RBM8A: variants seen among roughly 807,000 people sequenced by gnomAD.
The protein encoded by RBM8A is RNA-binding protein 8A.
A neutral mutation model predicts 25.1 loss-of-function variants in RBM8A; 8 were observed. The ratio of observed to expected loss-of-function variants is 0.32; its 90% CI spans 0.19 to 0.58. The LOEUF (loss-of-function observed/expected upper bound fraction) is 0.58, where lower values mean the gene tolerates loss of function less well. Ranked by LOEUF, RBM8A falls within the 20% of genes least tolerant of loss-of-function variation. The pLI, the probability that RBM8A is intolerant of heterozygous loss-of-function variation, is 0.88. For synonymous variants in RBM8A, 66 were observed against 80.0 expected, an observed-to-expected ratio of 0.82 and a Z score of 0.94; for missense variants, 114 against 236.8, an observed-to-expected ratio of 0.48 and a Z score of 3.40.
chr1:145,925,951 G>A (rs782507320), intron 5 of RBM8A, 24 bp from the exon 6 acceptor site: 3 of 1,614,088 alleles, frequency 1.9e-6, no homozygotes, highest in African/African-American at 1.3e-5. Flanking sequence ...AGCAGGGAGA[G>A]GAGTCCATTA....
At position 145,923,797 on chromosome 1, in the gene RBM8A, T is replaced by C. The variant is rs1553755305; in HGVS notation, c.*2085A>G. 1.9e-6 allele frequency: 1 copy of C among 527,226 alleles called. No homozygotes were observed. Among genetic ancestry groups the C allele is most frequent in the Non-Finnish European group, 3.3e-6 (1 of 298,890 alleles). 32.7% of individuals were successfully genotyped at this position (527,226 alleles called of 1,614,324 possible). On this transcript the variant is annotated 3_prime_UTR_variant, in exon 6 of 6. Coordinates refer to ENST00000583313, the MANE Select transcript of RBM8A (RefSeq NM_005105.5). ...CACCCATTTTACACAATATTTCTTT[T>C]TCCACAAAATAACAGACATACCAGG... is the stretch of plus-strand genomic sequence containing the variant.
intron 4 of RBM8A, 47 bp from the exon 5 acceptor site, chr1:145,926,224 A>G: frequency 6.3e-7 from 1 of 1,599,836 alleles, no homozygotes; most frequent in Non-Finnish European, 8.5e-7. Context: ...TATTTCCCCA[A>G]GTATCACTGA....
intron 4 of RBM8A, 118 bp downstream of exon 4, chr1:145,926,364 G>A (rs1471557594): frequency 2.0e-6 from 3 of 1,492,988 alleles, no homozygotes; most frequent in Non-Finnish European, 2.7e-6. Context: ...ACAAAACATA[G>A]ATTTCCAATG....
In RBM8A at chr1:145,924,207, G is replaced by C; in HGVS notation, c.*1675C>G. On this transcript the variant is annotated 3_prime_UTR_variant, in exon 6 of 6. Transcript: ENST00000583313. ...GCTGGCCCAGTCCCTTTCACTCAGT[G>C]TGTCACCAAAGGCAGCTTCAAGGCT... 1.5e-6 allele frequency: 1 copy of C among 680,438 alleles called. No homozygotes were observed. Among genetic ancestry groups the C allele is most frequent in the South Asian group, 1.5e-5 (1 of 66,342 alleles). The allele number at this position is 680,438 out of a possible 1,614,324, so 42.2% of individuals were successfully genotyped here.
chr1:145,926,978 G>A, intron 2 of RBM8A, 40 bp downstream of exon 2: 2 of 1,614,038 alleles, frequency 1.2e-6, no homozygotes, highest in South Asian at 1.1e-5. Flanking sequence ...CGTAGCTCCT[G>A]CCCTACTAGG....
intron 5 of RBM8A, 53 bp downstream of exon 5, chr1:145,925,988 C>G: frequency 6.2e-7 from 1 of 1,614,188 alleles, no homozygotes; most frequent in South Asian, 1.1e-5. Context: ...AGTCCTCATT[C>G]TGTTTCGTTC....
At position 145,925,383 on chromosome 1, in the gene RBM8A, T is replaced by C. The variant is rs587598861; in HGVS notation, c.*499A>G. 804 of 357,338 alleles carry C rather than the reference T, an allele frequency of 2.2e-3. 7 individuals carry two copies. The highest frequency in any genetic ancestry group is 0.016 in the African/African-American group (746 of 46,660). The allele number at this position is 357,338 out of a possible 1,614,324, so 22.1% of individuals were successfully genotyped here. The stretch of plus-strand genomic sequence containing the variant: ...AAACCCTACCTGAAACTTGAGACTA[T>C]GTCTAATATAGAAACTCACATAACT... On this transcript the variant is annotated 3_prime_UTR_variant, in exon 6 of 6. Coordinates refer to ENST00000583313, the MANE Select transcript of RBM8A (RefSeq NM_005105.5).
In RBM8A at chr1:145,925,812, A is replaced by G. The variant is rs1648118868; in HGVS notation, c.*70T>C. ...ATATAAACACAGCAAGTTCCACCCC[A>G]GTCCTATTTGTCCAAGGCTGCATGG... On this transcript the variant is annotated 3_prime_UTR_variant, in exon 6 of 6. Coordinates refer to ENST00000583313, the MANE Select transcript of RBM8A (RefSeq NM_005105.5). The G allele has an allele frequency of 4.0e-6, 6 of 1,491,028 alleles. No individual in the cohort carries two copies. The African/African-American group carries it at 4.2e-5, about 10-fold the overall frequency. 92.4% of individuals were successfully genotyped at this position (1,491,028 alleles called of 1,614,324 possible).
chr1:145,927,105 G>A (rs1553756112), intron 1 of RBM8A, 28 bp from the exon 2 acceptor site: 3 of 1,607,362 alleles, frequency 1.9e-6, no homozygotes, highest in Non-Finnish European at 2.6e-6. Flanking sequence ...AAAAGAATAA[G>A]TAACTATGAC....
At chr1:145,927,184 T>C in intron 1 of RBM8A, 107 bp from the exon 2 acceptor site, 1 of 1,501,524 alleles carries the variant, frequency 6.7e-7, no homozygotes. Flanking sequence ...CCTCCAGTCT[T>C]AGTGCCTTCC....
In RBM8A at chr1:145,923,299, A is replaced by AC. The variant is rs1647910810; in HGVS notation, c.*2582_*2583insG. The AC allele has an allele frequency of 4.6e-5, 7 of 152,342 alleles. No homozygotes were observed. The highest frequency in any genetic ancestry group is 3.9e-4 in the Admixed American group (6 of 15,286). 9.4% of individuals were successfully genotyped at this position (152,342 alleles called of 1,614,324 possible). ...AGGCAGAGCACAAAAACAAAAACAAAAAAAAAAACTTAGAAATATATGAAT... is the reference window on the plus strand; with the variant it reads ...AGGCAGAGCACAAAAACAAAAACAAACAAAAAAAACTTAGAAATATATGAAT... On this transcript the variant is annotated 3_prime_UTR_variant, in exon 6 of 6. Coordinates refer to ENST00000583313, the MANE Select transcript of RBM8A (RefSeq NM_005105.5).
In RBM8A at chr1:145,924,555, G is replaced by A; in HGVS notation, c.*1327C>T. On this transcript the variant is annotated 3_prime_UTR_variant, in exon 6 of 6. Transcript: ENST00000583313. Reference sequence around the variant, plus strand: ...CAATTATAAACAGCTGAGTTAGCTGGACAAGGACTAGGGAGGCAATCAGTA... The same window carrying A: ...CAATTATAAACAGCTGAGTTAGCTGAACAAGGACTAGGGAGGCAATCAGTA... The A allele has an allele frequency of 2.7e-6, 1 of 370,018 alleles. No individual in the cohort carries two copies. Among genetic ancestry groups the A allele is most frequent in the South Asian group, 2.1e-5 (1 of 48,738 alleles). The allele number at this position is 370,018 out of a possible 1,614,324, so 22.9% of individuals were successfully genotyped here.
At position 145,927,349 on chromosome 1, in the gene RBM8A, A is replaced by G. The variant is rs782241312; in HGVS notation, c.67+11T>C. Reference sequence around the variant, plus strand: ...TCCCCGCTTCCCACCAGCCGTCTCCACTGTCCTCACCGTCCCCATCCTCAT... The same window carrying G: ...TCCCCGCTTCCCACCAGCCGTCTCCGCTGTCCTCACCGTCCCCATCCTCAT... On this transcript the variant is annotated intron_variant, in intron 1 of 5. Coordinates refer to ENST00000583313, the MANE Select transcript of RBM8A (RefSeq NM_005105.5). 20 of 1,611,156 alleles carry G rather than the reference A, an allele frequency of 1.2e-5. No homozygotes were observed. Among genetic ancestry groups the G allele is most frequent in the Admixed American group, 3.4e-5 (2 of 59,478 alleles).
chr1:145,927,342 C>A lies in RBM8A; in HGVS notation c.67+18G>T. 1 of 1,609,754 alleles carries A rather than the reference C, an allele frequency of 6.2e-7. No individual in the cohort carries two copies. The highest frequency in any genetic ancestry group is 8.5e-7 in the Non-Finnish European group (1 of 1,177,810). ...CGCACCTTCCCCGCTTCCCACCAGC[C>A]GTCTCCACTGTCCTCACCGTCCCCA... On this transcript the variant is annotated intron_variant, in intron 1 of 5. Coordinates refer to ENST00000583313, the MANE Select transcript of RBM8A (RefSeq NM_005105.5).
In RBM8A at chr1:145,924,231, C is replaced by A. The variant is rs1319395656; in HGVS notation, c.*1651G>T. The A allele has an allele frequency of 1.5e-6, 1 of 651,808 alleles. No individual in the cohort carries two copies. The highest frequency in any genetic ancestry group is 2.9e-6 in the Non-Finnish European group (1 of 343,452). The allele number at this position is 651,808 out of a possible 1,614,324, so 40.4% of individuals were successfully genotyped here. On this transcript the variant is annotated 3_prime_UTR_variant, in exon 6 of 6. Coordinates refer to ENST00000583313, the MANE Select transcript of RBM8A (RefSeq NM_005105.5). ...TGTGTCACCAAAGGCAGCTTCAAGG[C>A]TCAATGGCAAGAGACCACCTATAAC...
rs782628401 is a variant in RBM8A at position 145,927,428 on chromosome 1, T to C, written c.-2A>G. 7.5e-6 allele frequency: 12 copies of C among 1,609,322 alleles called. No homozygotes were observed. The highest frequency in any genetic ancestry group is 6.7e-5 in the South Asian group (6 of 89,946). On this transcript the variant is annotated 5_prime_UTR_variant, in exon 1 of 6. Transcript: ENST00000583313. ...GTGAAGATCTAGCACGTCCGCCATC[T>C]CGCCTTCGATCGAGATCTCGTCTGT...
chr1:145,924,046 T>A lies in RBM8A; in HGVS notation c.*1836A>T. 1.4e-6 allele frequency: 1 copy of A among 692,202 alleles called. No homozygotes were observed. The highest frequency in any genetic ancestry group is 2.7e-5 in the East Asian group (1 of 36,940). 42.9% of individuals were successfully genotyped at this position (692,202 alleles called of 1,614,324 possible). ...ATGGATGAACTGTTTCTCAGCACTG[T>A]GCTGCTTCACTTGGAATTAAGGATG... On this transcript the variant is annotated 3_prime_UTR_variant, in exon 6 of 6. Transcript: ENST00000583313.
In RBM8A at chr1:145,922,499, G is replaced by A. The variant is rs185710141; in HGVS notation, c.*3383C>T. 9.2e-5 allele frequency: 14 copies of A among 152,294 alleles called. No individual in the cohort carries two copies. The highest frequency in any genetic ancestry group is 3.4e-4 in the African/African-American group (14 of 41,558). The allele number at this position is 152,294 out of a possible 1,614,324, so 9.4% of individuals were successfully genotyped here. Reference sequence around the variant, plus strand: ...TGAAATCCATGGGCCACAAGATGATGCAATGGGAAATGAATTTCATCCTTT... The same window carrying A: ...TGAAATCCATGGGCCACAAGATGATACAATGGGAAATGAATTTCATCCTTT... On this transcript the variant is annotated 3_prime_UTR_variant, in exon 6 of 6. Transcript: ENST00000583313.
chr1:145,927,469 G>A lies in RBM8A; in HGVS notation c.-43C>T, dbSNP rs1648226840. The stretch of plus-strand genomic sequence containing the variant: ...TCTCGTCTGTGCCGCTCAGACACTA[G>A]GTACCTCGGGAAACTGTCGCAGAGG... On this transcript the variant is annotated 5_prime_UTR_variant, in exon 1 of 6. Transcript: ENST00000583313. 4 of 1,588,344 alleles carry A rather than the reference G, an allele frequency of 2.5e-6. No individual in the cohort carries two copies. Among genetic ancestry groups the A allele is most frequent in the Non-Finnish European group, 3.4e-6 (4 of 1,165,400 alleles).
Sources: gnomAD v4.1 joint callset for allele counts on GRCh38, gnomAD v4.1.1 for gene constraint, MANE v1.5 for transcripts, NCBI Gene and HGNC (gene_info 2026-07-23, HGNC 2026-07-21) for gene names.